ADAMTS17: variants seen among roughly 807,000 people sequenced by gnomAD.
ADAMTS17 encodes A disintegrin and metalloproteinase with thrombospondin motifs 17.
In ADAMTS17, 113 loss-of-function variants were observed where a neutral mutation model predicts 141.5. The observed-to-expected ratio is 0.80, with a 90% CI of 0.69 to 0.93. ADAMTS17 has a LOEUF of 0.93. ADAMTS17 is among the 40% of genes least tolerant of loss of function. The pLI is 0.00. For synonymous variants in ADAMTS17, 768 were observed against 630.6 expected (o/e 1.22, Z -3.27); for missense variants, 1,659 against 1,517.9 (o/e 1.09, Z -1.54).
chr15:100,195,147 G>A (rs8025049), intron 8 of ADAMTS17, among the ~76,000 whole-genome samples: 31,369 of 152,058 alleles, frequency 0.21, 3,488 homozygotes, highest in African/African-American at 0.27. Flanking sequence ...ACATTTAGGA[G>A]CCTCCAGGCT....
rs1028653260 is a variant in ADAMTS17, at chr15:100,339,109, C to T, written c.450+1930G>A. On this transcript the variant is annotated intron_variant, in intron 2 of 21. Transcript: ENST00000268070. ...TTTAAAAGCTGAAGTCTTAGAGGTA[C>T]AACCGCCACTGGCACACACTGAACT... The T allele has an allele frequency of 3.6e-5, 35 of 985,458 alleles. No individual in the cohort carries two copies. In the African/African-American group the frequency reaches 5.9e-4, roughly 17 times the overall value. The allele number at this position is 985,458 out of a possible 1,614,324, so 61.0% of individuals were successfully genotyped here.
intron 8 of ADAMTS17, among the ~76,000 whole-genome samples, chr15:100,166,973 T>C (rs2039974231): frequency 6.6e-6 from 1 of 152,256 alleles, no homozygotes; most frequent in Non-Finnish European, 1.5e-5. Flanking sequence ...CCTAGGCCAG[T>C]GCTGTTCAAT....
chr15:100,249,690 C>G (rs114118851), intron 7 of ADAMTS17, among the ~76,000 whole-genome samples: 3 of 152,200 alleles, frequency 2.0e-5, no homozygotes, highest in African/African-American at 7.2e-5. Context: ...GCCCTTGGCT[C>G]ATTCCTCACA....
At chr15:100,004,617 CTTTTTT>C (rs10591279) in intron 18 of ADAMTS17, among the ~76,000 whole-genome samples, 32 of 116,204 alleles carry the variant, frequency 2.8e-4, no homozygotes, top group Non-Finnish European at 3.0e-4. Context: ...TACTGTAATT[CTTTTTT>C]TTTTTTTTTT....
chr15:100,245,732 A>C (rs976608239), intron 7 of ADAMTS17, among the ~76,000 whole-genome samples: 1 of 152,194 alleles, frequency 6.6e-6, no homozygotes, highest in African/African-American at 2.4e-5. Context: ...CAGGGCAGAC[A>C]GATCTTCTTG....
chr15:100,303,115 ATATAT>A (rs977631852), intron 3 of ADAMTS17, among the ~76,000 whole-genome samples: 9 of 146,828 alleles, frequency 6.1e-5, no homozygotes, highest in Admixed American at 2.7e-4. Context: ...AATATATAAT[ATATAT>A]TATAAATATA....
chr15:100,308,342 A>G (rs1166922701), intron 3 of ADAMTS17, among the ~76,000 whole-genome samples: 3 of 152,222 alleles, frequency 2.0e-5, no homozygotes, highest in Admixed American at 6.5e-5. Context: ...ACTGGAAGGA[A>G]AAAAGCAAAA....
chr15:100,053,374 T>C (rs1242484011), intron 16 of ADAMTS17, among the ~76,000 whole-genome samples: 1 of 151,874 alleles, frequency 6.6e-6, no homozygotes, highest in African/African-American at 2.4e-5. Flanking sequence ...ACCTGGGGAG[T>C]AGAATACCCA....
intron 15 of ADAMTS17, among the ~76,000 whole-genome samples, chr15:100,076,470 T>C (rs1473187592): frequency 6.6e-6 from 1 of 152,248 alleles, no homozygotes; most frequent in Non-Finnish European, 1.5e-5. Context: ...TCATATGTTT[T>C]CCTTGTCCCC....
At chr15:100,107,528 A>AT (rs2141086152) in intron 14 of ADAMTS17, among the ~76,000 whole-genome samples, 1 of 152,150 alleles carries the variant, frequency 6.6e-6, no homozygotes, top group Non-Finnish European at 1.5e-5. Context: ...TGTGGTCTGA[A>AT]TGTTTGTGTC....
intron 20 of ADAMTS17, among the ~76,000 whole-genome samples, chr15:99,981,016 T>C (rs916876576): frequency 1.3e-5 from 2 of 152,214 alleles, no homozygotes; most frequent in African/African-American, 2.4e-5. Flanking sequence ...TCAGGGCTGA[T>C]GCCGGCCACT....
intron 18 of ADAMTS17, among the ~76,000 whole-genome samples, chr15:100,028,059 C>A (rs1389539729): frequency 6.6e-6 from 1 of 152,204 alleles, no homozygotes; most frequent in African/African-American, 2.4e-5. Flanking sequence ...GACAGACCCT[C>A]TAGGAACTGT....
chr15:100,117,098 G>A (rs2037185342), intron 12 of ADAMTS17, 85 bp from the exon 13 acceptor site: 3 of 1,484,386 alleles, frequency 2.0e-6, no homozygotes, highest in Non-Finnish European at 2.7e-6. Context: ...GCCAGGGGGA[G>A]GAGAGGAAGG....
chr15:100,038,852 T>C (rs547212931), intron 18 of ADAMTS17, among the ~76,000 whole-genome samples: 14 of 152,366 alleles, frequency 9.2e-5, no homozygotes, highest in African/African-American at 2.9e-4. Context: ...TAATAAAATG[T>C]TGGATAGAAA....
chr15:100,211,389 G>A (rs1449780598), intron 7 of ADAMTS17, among the ~76,000 whole-genome samples: 1 of 151,092 alleles, frequency 6.6e-6, no homozygotes. Context: ...GAAAATGATA[G>A]ACTGTTCAAT....
At position 100,341,165 on chromosome 15, in the gene ADAMTS17, C is replaced by T. The variant is rs1375604395; in HGVS notation, c.324G>A (p.Glu108=). 4.8e-6 allele frequency: 7 copies of T among 1,464,562 alleles called. No individual in the cohort carries two copies. Among genetic ancestry groups the T allele is most frequent in the African/African-American group, 1.5e-5 (1 of 67,638 alleles). 90.7% of individuals were successfully genotyped at this position (1,464,562 alleles called of 1,614,324 possible). The change falls in exon 2 of 22, where the codon GAG becomes GAA. Residue 108 remains glutamate, a synonymous_variant. Coordinates refer to ENST00000268070, the MANE Select transcript of ADAMTS17 (RefSeq NM_139057.4). ...GCCGGGCCGCGCCCGCCTCCTCCAC[C>T]TCGAAGCCTCGGGACAGGAAGCGCA... ...RDLRFLSRGF[E]VEEAGAARRR...
intron 15 of ADAMTS17, among the ~76,000 whole-genome samples, chr15:100,056,396 A>C (rs1342180034): frequency 6.6e-6 from 1 of 150,866 alleles, no homozygotes; most frequent in Non-Finnish European, 1.5e-5. Flanking sequence ...GGGACTAGGG[A>C]CTGGTTTCGT....
In ADAMTS17 at chr15:100,152,672, A is replaced by G; in HGVS notation, c.1413T>C (p.Ser471=). Residue 471 remains serine (S), a synonymous_variant, in exon 10 of 22, where the codon AGT becomes AGC. Transcript: ENST00000268070. ...ACAGGATCTGGCACTGCTCGTTGGC[A>G]CTGTAGTGCATGCCCGGCAGCTTGT... ...LPHKLPGMHY[S]ANEQCQILFG... is the part of the protein sequence containing the mutation. The G allele has an allele frequency of 6.2e-7, 1 of 1,614,148 alleles. No individual in the cohort carries two copies. Among genetic ancestry groups the G allele is most frequent in the Admixed American group, 1.7e-5 (1 of 60,024 alleles).
At chr15:100,267,840 T>C (rs186628842) in intron 4 of ADAMTS17, among the ~76,000 whole-genome samples, 1 of 152,202 alleles carries the variant, frequency 6.6e-6, no homozygotes, top group East Asian at 1.9e-4. Context: ...GTAAACAGAG[T>C]ACCTATCACC....
Sources: gnomAD v4.1 joint callset for allele counts (sites outside exome capture counted in the v4.1 genomes callset) on GRCh38, gnomAD v4.1.1 for gene constraint, MANE v1.5 for transcripts, NCBI Gene and HGNC (gene_info 2026-07-23, HGNC 2026-07-21) for gene names.